The following FGD4 variants were observed in gnomAD, a reference collection of about 807,000 sequenced individuals.
The protein encoded by FGD4 is FYVE, RhoGEF and PH domain containing 4.
Under a neutral mutation model 102.0 loss-of-function variants are expected in FGD4, and 42 were observed. That is an observed-to-expected ratio of 0.41 (90% CI 0.32 to 0.53). The LOEUF is 0.53. Among genes scored for constraint, FGD4 ranks in the 20% least tolerant of loss-of-function variants. FGD4 has a pLI of 0.21. For synonymous variants in FGD4, 380 were observed against 375.7 expected, an observed-to-expected ratio of 1.01 and a Z score of -0.13; for missense variants, 902 against 1,078.2, an observed-to-expected ratio of 0.84 and a Z score of 2.29.
chr12:32,555,870 G>A (rs759681791), intron 1 of FGD4, among the ~76,000 whole-genome samples: 3 of 151,996 alleles, frequency 2.0e-5, no homozygotes, highest in Non-Finnish European at 4.4e-5. Context: ...GCGCCCAGCC[G>A]AGACAAGGTC....
chr12:32,610,868 A>G (rs985272086), intron 9 of FGD4, 34 bp downstream of exon 9: 81 of 1,595,734 alleles, frequency 5.1e-5, no homozygotes, highest in Non-Finnish European at 6.6e-5. Context: ...GGAACCTCTG[A>G]TTAGACAATT....
At chr12:32,441,435 G>A (rs982358022) in intron 1 of FGD4, among the ~76,000 whole-genome samples, 2 of 152,070 alleles carry the variant, frequency 1.3e-5, no homozygotes, top group Non-Finnish European at 2.9e-5. Context: ...GTCTAGAAGT[G>A]TAATCTGGGA....
chr12:32,510,278 G>A (rs770694595), intron 1 of FGD4, among the ~76,000 whole-genome samples: 6 of 152,180 alleles, frequency 3.9e-5, no homozygotes, highest in Non-Finnish European at 7.3e-5. Flanking sequence ...TCATGGGATT[G>A]TAAGTTATAC....
chr12:32,618,535 TA>T (rs913525684), intron 10 of FGD4, among the ~76,000 whole-genome samples: 30 of 150,866 alleles, frequency 2.0e-4, no homozygotes, highest in African/African-American at 5.8e-4. Context: ...CAGTCTGGTT[TA>T]AAAAAAAAAT....
chr12:32,504,402 A>C (rs1257802626), intron 1 of FGD4, among the ~76,000 whole-genome samples: 2 of 152,168 alleles, frequency 1.3e-5, no homozygotes, highest in African/African-American at 4.8e-5. Flanking sequence ...ACTTCCATGC[A>C]CAACACTGTC....
intron 1 of FGD4, among the ~76,000 whole-genome samples, chr12:32,550,852 A>C (rs937212570): frequency 6.6e-6 from 1 of 152,108 alleles, no homozygotes; most frequent in Non-Finnish European, 1.5e-5. Flanking sequence ...AGAATGTAAA[A>C]TATTGTGAAA....
At chr12:32,595,053 A>T (rs1020802123) in intron 4 of FGD4, among the ~76,000 whole-genome samples, 1 of 151,324 alleles carries the variant, frequency 6.6e-6, no homozygotes, top group Non-Finnish European at 1.5e-5. Flanking sequence ...AAAACAACAC[A>T]GCAAAATAAA....
chr12:32,476,191 T>C (rs532886920), intron 1 of FGD4, among the ~76,000 whole-genome samples: 1 of 152,348 alleles, frequency 6.6e-6, no homozygotes, highest in African/African-American at 2.4e-5. Context: ...AGCAGTCTTC[T>C]AGCTGTTGTC....
At chr12:32,574,190 C>T (rs1192053646) in intron 2 of FGD4, among the ~76,000 whole-genome samples, 4 of 152,106 alleles carry the variant, frequency 2.6e-5, no homozygotes, top group Non-Finnish European at 5.9e-5. Flanking sequence ...TCTCATCTGG[C>T]ACATAATAAA....
chr12:32,473,684 A>G (rs551778777), intron 1 of FGD4, among the ~76,000 whole-genome samples: 87 of 152,322 alleles, frequency 5.7e-4, no homozygotes, highest in Non-Finnish European at 3.2e-4. Flanking sequence ...CTGAAGACCT[A>G]TGAATTAAAA....
intron 11 of FGD4, among the ~76,000 whole-genome samples, chr12:32,620,526 T>TCTTTC (rs1327018100): frequency 8.8e-5 from 12 of 135,600 alleles, no homozygotes; most frequent in Middle Eastern, 7.4e-3. Flanking sequence ...CTTTCTTTTT[T>TCTTTC]TTTTTTTTTT....
At chr12:32,442,001 G>A (rs1244979628) in intron 1 of FGD4, among the ~76,000 whole-genome samples, 1 of 151,804 alleles carries the variant, frequency 6.6e-6, no homozygotes, top group African/African-American at 2.4e-5. Flanking sequence ...CTGCTCTCAG[G>A]GTGGGGGAAG....
chr12:32,520,425 G>GTTT lies in FGD4; in HGVS notation c.167-43707_167-43705dup, dbSNP rs572548423. ...TGCCCTATTTTAAGTTCTATTGTGG[G>GTTT]TTTTTTTGTTTTTTGTTTTTTTTTT... On this transcript the variant is annotated intron_variant, in intron 1 of 16. Coordinates refer to ENST00000534526, the MANE Select transcript of FGD4 (RefSeq NM_001370298.3). Among the ~76,000 whole-genome samples, 96 of 111,402 alleles carry GTTT rather than the reference G, an allele frequency of 8.6e-4. 1 individual carries two copies. The highest frequency in any genetic ancestry group is 2.8e-3 in the African/African-American group (85 of 30,842). 73.1% of individuals were successfully genotyped at this position (111,402 alleles called of 152,430 possible). A position where few individuals can be genotyped will look rare whatever the true frequency, so the allele number is the denominator to read the frequency against.
chr12:32,438,789 T>C (rs1245039654), intron 1 of FGD4, among the ~76,000 whole-genome samples: 1 of 152,044 alleles, frequency 6.6e-6, no homozygotes, highest in African/African-American at 2.4e-5. Context: ...GTGTTTTTTT[T>C]AGTAGAGACG....
intron 1 of FGD4, among the ~76,000 whole-genome samples, chr12:32,499,401 A>C (rs1360348567): frequency 2.6e-5 from 4 of 152,194 alleles, no homozygotes; most frequent in Non-Finnish European, 5.9e-5. Flanking sequence ...GGAGCTCCAG[A>C]GGACATTACT....
chr12:32,510,466 T>C (rs772183627), intron 1 of FGD4, among the ~76,000 whole-genome samples: 22 of 152,222 alleles, frequency 1.4e-4, no homozygotes, highest in Non-Finnish European at 2.5e-4. Flanking sequence ...ACTTTTGTTT[T>C]GTTCTTTACA....
chr12:32,526,536 C>G (rs979984138), intron 1 of FGD4, among the ~76,000 whole-genome samples: 5 of 152,158 alleles, frequency 3.3e-5, no homozygotes, highest in African/African-American at 1.2e-4. Flanking sequence ...AGCGCCCTGA[C>G]GAAACAGGCC....
At chr12:32,607,864 T>C in intron 7 of FGD4, 93 bp from the exon 8 acceptor site, 1 of 1,410,308 alleles carries the variant, frequency 7.1e-7, no homozygotes. Flanking sequence ...TGTCGAAAAA[T>C]ATTGCCCTTG....
chr12:32,640,653 T>C lies in FGD4; in HGVS notation c.*120T>C. ...AAAAATATAGGCCCATAAATGCATCTTTTGAGGACTATTTTCCTATGTTTA... is the reference window on the plus strand; with the variant it reads ...AAAAATATAGGCCCATAAATGCATCCTTTGAGGACTATTTTCCTATGTTTA... On this transcript the variant is annotated 3_prime_UTR_variant, in exon 17 of 17. Coordinates refer to ENST00000534526, the MANE Select transcript of FGD4 (RefSeq NM_001370298.3). The C allele has an allele frequency of 7.5e-7, 1 of 1,333,688 alleles. No homozygotes were observed. The allele number at this position is 1,333,688 out of a possible 1,614,324, so 82.6% of individuals were successfully genotyped here. A position where few individuals can be genotyped will look rare whatever the true frequency, so the allele number is the denominator to read the frequency against.
Sources: gnomAD v4.1 joint callset for allele counts (sites outside exome capture counted in the v4.1 genomes callset) on GRCh38, gnomAD v4.1.1 for gene constraint, MANE v1.5 for transcripts, NCBI Gene and HGNC (gene_info 2026-07-23, HGNC 2026-07-21) for gene names.